The following OLFM3 variants were observed in gnomAD, a reference collection of about 807,000 sequenced individuals.
OLFM3 encodes the protein olfactomedin 3.
In OLFM3, 20 loss-of-function variants were observed where a neutral mutation model predicts 48.6. The observed-to-expected ratio is 0.41, with a 90% CI of 0.29 to 0.60. The LOEUF (loss-of-function observed/expected upper bound fraction) is 0.60. Among genes scored for constraint, OLFM3 ranks in the 20% least tolerant of loss-of-function variants. The pLI, the probability that OLFM3 is intolerant of heterozygous loss-of-function variation, is 0.28. For missense variants in OLFM3, 437 were observed against 544.3 expected (o/e 0.80, Z 1.96); for synonymous variants, 222 against 198.1 (o/e 1.12, Z -1.01).
At chr1:101,915,333 G>A (rs1217711234) in intron 1 of OLFM3, among the ~76,000 whole-genome samples, 1 of 150,838 alleles carries the variant, frequency 6.6e-6, no homozygotes, top group Non-Finnish European at 1.5e-5. Context: ...ATAAATAATT[G>A]TACATTTAAT....
At chr1:101,858,333 G>A (rs1656512647) in intron 1 of OLFM3, among the ~76,000 whole-genome samples, 1 of 151,996 alleles carries the variant, frequency 6.6e-6, no homozygotes, top group Non-Finnish European at 1.5e-5. Flanking sequence ...CATTCAGGAA[G>A]GATTTATTGA....
rs370674501 is a variant in OLFM3, at chr1:101,804,612, C to T, written c.1003G>A (p.Gly335Arg). 2.5e-6 allele frequency: 4 copies of T among 1,612,332 alleles called. No homozygotes were observed. Among genetic ancestry groups the T allele is most frequent in the South Asian group, 1.1e-5 (1 of 91,038 alleles). Residue 335 changes from glycine to arginine, a missense_variant, in exon 6 of 6, where the codon GGG becomes AGG. Gly to Arg is a moderately radical substitution (Grantham distance 125, BLOSUM62 -2). Transcript: ENST00000370103. This position sits in a 1 kb window ranked among gnomAD's most constrained non-coding sequence, Gnocchi z 4.5. Reference protein sequence around the residue: ...SDIDLMADEIGLWAVYATNQN... With the variant: ...SDIDLMADEIRLWAVYATNQN... ...TTAGTTGCATACACAGCCCACAGCC[C>T]GATTTCATCAGCCATTAGGTCGATG...
chr1:101,942,145 G>A (rs1570651132), intron 1 of OLFM3, among the ~76,000 whole-genome samples: 2 of 152,290 alleles, frequency 1.3e-5, no homozygotes, highest in East Asian at 1.9e-4. Context: ...TGGGGTAATG[G>A]AATATTTGAG....
intron 1 of OLFM3, among the ~76,000 whole-genome samples, chr1:101,850,745 A>T (rs1162759644): frequency 2.0e-5 from 3 of 152,170 alleles, no homozygotes; most frequent in Non-Finnish European, 4.4e-5. Context: ...AGAGACTTAG[A>T]TTGCTTGCTA....
At chr1:101,946,416 A>C (rs914587564) in intron 1 of OLFM3, among the ~76,000 whole-genome samples, 1 of 152,174 alleles carries the variant, frequency 6.6e-6, no homozygotes, top group Non-Finnish European at 1.5e-5. Context: ...GAATGTTAAG[A>C]CTTTATCTGG....
intron 1 of OLFM3, among the ~76,000 whole-genome samples, chr1:101,886,097 C>T (rs1225509876): frequency 6.6e-6 from 1 of 151,852 alleles, no homozygotes; most frequent in Non-Finnish European, 1.5e-5. Flanking sequence ...GGAATATGGG[C>T]AAGAGGGAGT....
intron 1 of OLFM3, among the ~76,000 whole-genome samples, chr1:101,906,901 T>C (rs932687392): frequency 6.6e-6 from 1 of 152,210 alleles, no homozygotes; most frequent in Non-Finnish European, 1.5e-5. Context: ...CATGCATGCA[T>C]ACATATGTAT....
At position 101,806,144 on chromosome 1, in the gene OLFM3, C is replaced by T. The variant is rs781042568; in HGVS notation, c.631G>A (p.Val211Ile). 5.0e-6 allele frequency: 8 copies of T among 1,612,136 alleles called. No individual in the cohort carries two copies. The highest frequency in any genetic ancestry group is 4.5e-5 in the East Asian group (2 of 44,812). Residue 211 changes from valine to isoleucine, a missense_variant, in exon 5 of 6, where the codon GTC becomes ATC. Physicochemically the swap from Val to Ile is conservative, Grantham distance 29 (BLOSUM62 3). Transcript: ENST00000370103. ...CCAAATCGGGTTCCAGATGTCTTGA[C>T]TGTAACTGGGCCTGTGATTTTCATC... ...KLMKITGPVTVKTSGTRFGAW... is the reference protein window; with the variant it reads ...KLMKITGPVTIKTSGTRFGAW...
intron 1 of OLFM3, among the ~76,000 whole-genome samples, chr1:101,928,067 A>T (rs1214350412): frequency 6.6e-6 from 1 of 152,100 alleles, no homozygotes; most frequent in Non-Finnish European, 1.5e-5. Context: ...CCTGCCTCAC[A>T]GAAGGCACTT....
At chr1:101,822,280 A>T (rs1177478425) in intron 4 of OLFM3, among the ~76,000 whole-genome samples, 1 of 152,138 alleles carries the variant, frequency 6.6e-6, no homozygotes, top group Non-Finnish European at 1.5e-5. Context: ...TATAAAATTG[A>T]GCAAATCCCA....
intron 4 of OLFM3, among the ~76,000 whole-genome samples, chr1:101,809,140 G>A (rs1050523713): frequency 1.3e-5 from 2 of 151,376 alleles, no homozygotes; most frequent in Non-Finnish European, 3.0e-5. Context: ...AATGAAAGGA[G>A]AGAGAAAAAG....
At chr1:101,914,283 G>A (rs889613290) in intron 1 of OLFM3, among the ~76,000 whole-genome samples, 3 of 152,088 alleles carry the variant, frequency 2.0e-5, no homozygotes, top group Admixed American at 2.0e-4. Flanking sequence ...CTCCTACTGT[G>A]TACTGCCCAC....
chr1:101,958,450 T>C (rs983460286), intron 1 of OLFM3, among the ~76,000 whole-genome samples: 1 of 152,080 alleles, frequency 6.6e-6, no homozygotes, highest in African/African-American at 2.4e-5. Flanking sequence ...ATTCATATAA[T>C]TTATTAGTGT....
intron 1 of OLFM3, among the ~76,000 whole-genome samples, chr1:101,941,224 T>G (rs1418219879): frequency 1.3e-5 from 2 of 152,122 alleles, no homozygotes; most frequent in Admixed American, 6.5e-5. Context: ...GCAGAGTTAC[T>G]GGCACCTAGG....
chr1:101,869,394 C>T (rs1179378417), intron 1 of OLFM3, among the ~76,000 whole-genome samples: 2 of 152,060 alleles, frequency 1.3e-5, no homozygotes, highest in Admixed American at 6.6e-5. Context: ...CCAATTTCTC[C>T]CTTTTGGAAT....
chr1:101,922,665 G>A (rs1320209010), intron 1 of OLFM3, among the ~76,000 whole-genome samples: 3 of 152,124 alleles, frequency 2.0e-5, no homozygotes, highest in African/African-American at 7.2e-5. Flanking sequence ...GTTCTCTGAA[G>A]TAAGAATGAT....
At chr1:101,885,619 T>G (rs1413591630) in intron 1 of OLFM3, among the ~76,000 whole-genome samples, 1 of 152,076 alleles carries the variant, frequency 6.6e-6, no homozygotes, top group Non-Finnish European at 1.5e-5. Context: ...ATAATGAGGA[T>G]GAAGACTTTT....
intron 4 of OLFM3, among the ~76,000 whole-genome samples, chr1:101,810,577 C>T (rs1034132201): frequency 6.6e-6 from 1 of 151,994 alleles, no homozygotes; most frequent in South Asian, 2.1e-4. Flanking sequence ...TATATATTCC[C>T]TTTTGAAAAA....
chr1:101,890,560 G>C (rs1010873074), intron 1 of OLFM3, among the ~76,000 whole-genome samples: 1 of 152,078 alleles, frequency 6.6e-6, no homozygotes, highest in East Asian at 1.9e-4. Context: ...ATATCACAAT[G>C]AGTCAGGAAT....
Sources: gnomAD v4.1 joint callset for allele counts (sites outside exome capture counted in the v4.1 genomes callset) on GRCh38, gnomAD v4.1.1 for gene constraint, Gnocchi (gnomAD v3.1) non-coding constraint, MANE v1.5 for transcripts, NCBI Gene and HGNC (gene_info 2026-07-23, HGNC 2026-07-21) for gene names.